DTNBP1: variants seen among roughly 807,000 people sequenced by gnomAD.
The protein encoded by DTNBP1 is dysbindin.
Under a neutral mutation model 42.8 loss-of-function variants are expected in DTNBP1, and 35 were observed. The ratio of observed to expected loss-of-function variants is 0.82; its 90% CI spans 0.63 to 1.09. The LOEUF (loss-of-function observed/expected upper bound fraction) is 1.09, where lower values mean the gene tolerates loss of function less well. DTNBP1 is among the 50% of genes least tolerant of loss of function. The pLI is 0.00. For synonymous variants in DTNBP1, 171 were observed against 162.2 expected, an observed-to-expected ratio of 1.05 and a Z score of -0.41; for missense variants, 457 against 424.2, an observed-to-expected ratio of 1.08 and a Z score of -0.68.
intron 7 of DTNBP1, among the ~76,000 whole-genome samples, chr6:15,591,709 C>T (rs537852339): frequency 1.1e-4 from 17 of 152,222 alleles, no homozygotes; most frequent in South Asian, 2.1e-4. Flanking sequence ...AAAAAAAGTA[C>T]GCCTCAGCAC....
chr6:15,624,186 G>A (rs914532891), intron 5 of DTNBP1, among the ~76,000 whole-genome samples: 2 of 152,156 alleles, frequency 1.3e-5, no homozygotes, highest in African/African-American at 4.8e-5. Context: ...AGACAGGTAT[G>A]CTCATCGTCA....
At chr6:15,595,686 T>C (rs1017877657) in intron 6 of DTNBP1, among the ~76,000 whole-genome samples, 14 of 152,074 alleles carry the variant, frequency 9.2e-5, no homozygotes, top group African/African-American at 2.9e-4. Context: ...TTTGGAAATA[T>C]AGAAAATGTA....
intron 6 of DTNBP1, among the ~76,000 whole-genome samples, chr6:15,599,744 AC>A (rs1331245138): frequency 6.6e-6 from 1 of 152,238 alleles, no homozygotes; most frequent in Admixed American, 6.5e-5. Context: ...TTTTATTTTC[AC>A]TGGTGTACTA....
intron 8 of DTNBP1, among the ~76,000 whole-genome samples, chr6:15,531,790 C>T (rs774316282): frequency 6.6e-5 from 10 of 152,142 alleles, no homozygotes; most frequent in Non-Finnish European, 1.0e-4. Context: ...CATGTCACCA[C>T]GCCCAGCTAA....
chr6:15,642,038 C>T (rs1003515047), intron 3 of DTNBP1, among the ~76,000 whole-genome samples: 3 of 152,162 alleles, frequency 2.0e-5, no homozygotes, highest in African/African-American at 4.8e-5. Context: ...GGACACACAG[C>T]GTATTTCATG....
At chr6:15,531,162 G>A (rs1349085266) in intron 8 of DTNBP1, among the ~76,000 whole-genome samples, 1 of 152,210 alleles carries the variant, frequency 6.6e-6, no homozygotes, top group South Asian at 2.1e-4. Context: ...GCGCCAGCAT[G>A]CTGATCTTGG....
At chr6:15,546,212 CGTA>C in intron 7 of DTNBP1, 1 of 317,262 alleles carries the variant, frequency 3.2e-6, no homozygotes, top group Non-Finnish European at 6.3e-6. Context: ...ATTACAGGCG[CGTA>C]CCACCACGCC....
chr6:15,536,932 G>T (rs1773263207), intron 7 of DTNBP1, among the ~76,000 whole-genome samples: 1 of 152,224 alleles, frequency 6.6e-6, no homozygotes, highest in Non-Finnish European at 1.5e-5. Context: ...AAGATTTAAT[G>T]ACTGCCCTGC....
rs1771988990 is a variant in DTNBP1, at chr6:15,522,838, T to TAAA, written c.*136_*137insTTT. 2.0e-6 allele frequency: 3 copies of TAAA among 1,464,800 alleles called. No homozygotes were observed. 90.7% of individuals were successfully genotyped at this position (1,464,800 alleles called of 1,614,324 possible). On this transcript the variant is annotated 3_prime_UTR_variant, in exon 10 of 10. Transcript: ENST00000344537. Reference sequence around the variant, plus strand: ...GTCCTCACACTTTATTGTTAGCTGTTCTTTAAGTTTCTCACACATTATTGG... The same window carrying TAAA: ...GTCCTCACACTTTATTGTTAGCTGTTAAACTTTAAGTTTCTCACACATTATTGG...
intron 7 of DTNBP1, among the ~76,000 whole-genome samples, chr6:15,590,185 C>G (rs1776237672): frequency 6.6e-6 from 1 of 152,204 alleles, no homozygotes; most frequent in South Asian, 2.1e-4. Flanking sequence ...CCGCTTGCCT[C>G]AGCCTTCCAA....
At chr6:15,662,750 A>C in intron 1 of DTNBP1, 64 bp downstream of exon 1, 1 of 1,599,292 alleles carries the variant, frequency 6.3e-7, no homozygotes, top group Non-Finnish European at 8.6e-7. Flanking sequence ...GGAGCGAGGC[A>C]GGGGCATCCC....
At chr6:15,560,587 G>A (rs1774790093) in intron 7 of DTNBP1, among the ~76,000 whole-genome samples, 1 of 152,214 alleles carries the variant, frequency 6.6e-6, no homozygotes, top group African/African-American at 2.4e-5. Context: ...GAAATGGCAT[G>A]CTTTCAAATA....
chr6:15,571,127 G>A (rs1267580129), intron 7 of DTNBP1, among the ~76,000 whole-genome samples: 1 of 152,108 alleles, frequency 6.6e-6, no homozygotes, highest in African/African-American at 2.4e-5. Flanking sequence ...TTAAAATATC[G>A]AGGTGGAAAG....
At chr6:15,660,598 G>A in intron 1 of DTNBP1, 3 of 1,263,786 alleles carry the variant, frequency 2.4e-6, no homozygotes, top group South Asian at 1.2e-5. Context: ...CCCAGACTAC[G>A]GCATCTTTAA....
At chr6:15,648,103 A>G (rs1760784355) in intron 3 of DTNBP1, among the ~76,000 whole-genome samples, 2 of 152,070 alleles carry the variant, frequency 1.3e-5, no homozygotes. Context: ...ATGGCTCAAC[A>G]TATGAAAATC....
intron 4 of DTNBP1, among the ~76,000 whole-genome samples, chr6:15,636,157 C>CTTTTTTT (rs70996562): frequency 4.7e-5 from 6 of 127,026 alleles, no homozygotes; most frequent in African/African-American, 1.6e-4. Flanking sequence ...TTACCTGCAC[C>CTTTTTTT]TTTTTTTTTT....
At chr6:15,630,926 G>A (rs1306629065) in intron 4 of DTNBP1, among the ~76,000 whole-genome samples, 1 of 152,076 alleles carries the variant, frequency 6.6e-6, no homozygotes, top group Non-Finnish European at 1.5e-5. Context: ...CAAAAAAAAA[G>A]AAAACAAGCC....
chr6:15,562,356 T>C (rs1276808276), intron 7 of DTNBP1, among the ~76,000 whole-genome samples: 2 of 152,198 alleles, frequency 1.3e-5, no homozygotes, highest in Admixed American at 6.5e-5. Context: ...ATAATCTAAA[T>C]TGAGAAACCT....
chr6:15,654,685 G>A (rs1761187059), intron 1 of DTNBP1, among the ~76,000 whole-genome samples: 2 of 152,122 alleles, frequency 1.3e-5, no homozygotes, highest in South Asian at 4.2e-4. Flanking sequence ...GTGTTACAGG[G>A]AACAGAAAGT....
Sources: gnomAD v4.1 joint callset for allele counts (sites outside exome capture counted in the v4.1 genomes callset) on GRCh38, gnomAD v4.1.1 for gene constraint, MANE v1.5 for transcripts, NCBI Gene and HGNC (gene_info 2026-07-23, HGNC 2026-07-21) for gene names.